MYO1E: variants seen among roughly 807,000 people sequenced by gnomAD.
MYO1E encodes myosin IE.
A neutral mutation model predicts 151.1 loss-of-function variants in MYO1E; 68 were observed. The ratio of observed to expected loss-of-function variants is 0.45; its 90% confidence interval spans 0.37 to 0.55. The LOEUF (loss-of-function observed/expected upper bound fraction) is 0.55, where lower values mean the gene tolerates loss of function less well. Among genes scored for constraint, MYO1E ranks in the 20% least tolerant of loss-of-function variants. The probability of loss-of-function intolerance (pLI) is 0.00; values close to 1 mark genes in which losing one functional copy is unlikely to be tolerated. For missense variants in MYO1E, 1,363 were observed against 1,389.3 expected (o/e 0.98, Z 0.30); for synonymous variants, 601 against 501.7 (o/e 1.20, Z -2.64).
At chr15:59,213,577 G>C (rs2079894725) in intron 12 of MYO1E, among the ~76,000 whole-genome samples, 1 of 152,108 alleles carries the variant, frequency 6.6e-6, no homozygotes, top group Non-Finnish European at 1.5e-5. Context: ...TTTCACCTCA[G>C]CCTCCAGAGT....
rs2079357718 is a variant in MYO1E at position 59,133,936 on chromosome 15, T to G, written c.*3444A>C. ...TTTAGATTATGTAAAAGCCATGCTC[T>G]ATGGAAGCCCATGGAGTTTGTAATT... On this transcript the variant is annotated 3_prime_UTR_variant, in exon 28 of 28. Transcript: ENST00000288235. 6.6e-6 allele frequency: 1 copy of G among 152,258 alleles called. No homozygotes were observed. Among genetic ancestry groups the G allele is most frequent in the Non-Finnish European group, 1.5e-5 (1 of 68,074 alleles). The allele number at this position is 152,258 out of a possible 1,614,324, so 9.4% of individuals were successfully genotyped here.
At chr15:59,326,098 T>C (rs1158376167) in intron 1 of MYO1E, among the ~76,000 whole-genome samples, 1 of 152,064 alleles carries the variant, frequency 6.6e-6, no homozygotes, top group Admixed American at 6.6e-5. Context: ...TCAGTTCCTC[T>C]TCCATTTGAG....
intron 27 of MYO1E, 113 bp from the exon 28 acceptor site, chr15:59,137,569 C>G (rs1264684058): frequency 1.1e-6 from 1 of 873,860 alleles, no homozygotes; most frequent in Non-Finnish European, 1.9e-6. Flanking sequence ...TGTTGTTTTC[C>G]CTTTGTTCTT....
chr15:59,228,954 A>C (rs1206822103), intron 6 of MYO1E, among the ~76,000 whole-genome samples: 1 of 152,194 alleles, frequency 6.6e-6, no homozygotes, highest in Non-Finnish European at 1.5e-5. Flanking sequence ...TCCTCCAGGC[A>C]AAAAACAAAA....
Position 59,276,388 on chromosome 15 carries a change from C to T in MYO1E, c.4-3939G>A, listed in dbSNP as rs111733115. 7.6e-3 allele frequency among the ~76,000 whole-genome samples: 1,158 copies of T among 152,290 alleles called. 17 individuals are homozygous for T. Among genetic ancestry groups the T allele is most frequent in the African/African-American group, 0.027 (1,128 of 41,544 alleles). ...AAGGTATTGCATTTTACAGCAGCTC[C>T]TGGTGAGCGCAGCACACTGTACAAA... On this transcript the variant is annotated intron_variant, in intron 1 of 27. Transcript: ENST00000288235.
intron 5 of MYO1E, among the ~76,000 whole-genome samples, chr15:59,234,249 CATGGATGGATG>C (rs2080047992): frequency 7.0e-6 from 1 of 142,078 alleles, no homozygotes; most frequent in African/African-American, 2.7e-5. Flanking sequence ...TGGATGGGTG[CATGGATGGATG>C]GGTGCATGGA....
At chr15:59,212,254 G>A (rs973244414) in intron 12 of MYO1E, among the ~76,000 whole-genome samples, 3 of 151,944 alleles carry the variant, frequency 2.0e-5, no homozygotes, top group Non-Finnish European at 4.4e-5. Context: ...TGGGCTAGAC[G>A]TGGTAGGGAC....
At chr15:59,207,710 G>C in intron 14 of MYO1E, 5 of 1,614,184 alleles carry the variant, frequency 3.1e-6, no homozygotes, top group Non-Finnish European at 3.4e-6. Context: ...AACATAGCTG[G>C]TGTCCCTTTG....
chr15:59,236,443 C>A, intron 5 of MYO1E, 142 bp downstream of exon 5: 1 of 589,258 alleles, frequency 1.7e-6, no homozygotes, highest in Non-Finnish European at 3.1e-6. Flanking sequence ...TATGCTATTC[C>A]TTTCCATTCC....
Position 59,173,837 on chromosome 15 carries a change from A to G in MYO1E, c.2243T>C (p.Met748Thr), listed in dbSNP as rs1210895792. The change falls in exon 21 of 28, where the codon ATG becomes ACG. Residue 748 changes from methionine to threonine, a missense_variant. By Grantham distance (81) the Met-to-Thr change is moderately conservative. Coordinates refer to ENST00000288235, the MANE Select transcript of MYO1E (RefSeq NM_004998.4). ...NRNFIGDYIG[M>T]EEHPELQQFV... ...CTGCTGGAGTTCTGGGTGCTCTTCC[A>G]TCCCAATATAATCCCCTATAAAGTT... 13 of 1,614,004 alleles carry G rather than the reference A, an allele frequency of 8.1e-6. No homozygotes were observed. In the East Asian group the frequency reaches 8.9e-5, roughly 11 times the overall value.
At chr15:59,222,941 A>C in intron 9 of MYO1E, 118 bp downstream of exon 9, 1 of 1,469,900 alleles carries the variant, frequency 6.8e-7, no homozygotes, top group Non-Finnish European at 9.4e-7. Flanking sequence ...GAGGACATGT[A>C]GATTTATCAC....
At chr15:59,372,394 TCC>T in intron 1 of MYO1E, 102 bp downstream of exon 1, 1 of 1,408,466 alleles carries the variant, frequency 7.1e-7, no homozygotes, top group Non-Finnish European at 9.7e-7. Flanking sequence ...GTCCACCTTC[TCC>T]ACCCCTGGCC....
At position 59,136,096 on chromosome 15, in the gene MYO1E, T is replaced by G. The variant is rs1566960945; in HGVS notation, c.*1284A>C. 6.6e-6 allele frequency: 1 copy of G among 152,554 alleles called. No homozygotes were observed. Among genetic ancestry groups the G allele is most frequent in the East Asian group, 1.9e-4 (1 of 5,206 alleles). 9.5% of individuals were successfully genotyped at this position (152,554 alleles called of 1,614,324 possible). The stretch of plus-strand genomic sequence containing the variant: ...GTTCCAGGCCTCTGTCCAGGGCTTG[T>G]GAATGGCTGTCTTCTCCCTGCCTTT... On this transcript the variant is annotated 3_prime_UTR_variant, in exon 28 of 28. Transcript: ENST00000288235.
rs1371193577 is a variant in MYO1E at position 59,210,803 on chromosome 15, A to C, written c.1276-203T>G. The stretch of plus-strand genomic sequence containing the variant: ...TTGGTGATTTTTATGTTTAGTTTGA[A>C]CCCTATGAAATTATTGCCACACAAC... On this transcript the variant is annotated intron_variant, in intron 12 of 27. Transcript: ENST00000288235. Among the ~76,000 whole-genome samples, 4 of 152,304 alleles carry C rather than the reference A, an allele frequency of 2.6e-5. No individual in the cohort carries two copies. The East Asian group carries it at 7.7e-4, about 29-fold the overall frequency.
At position 59,135,169 on chromosome 15, in the gene MYO1E, CGAT is replaced by C; in HGVS notation, c.*2208_*2210del. The C allele has an allele frequency of 6.6e-6, 1 of 152,176 alleles. No individual in the cohort carries two copies. 9.4% of individuals were successfully genotyped at this position (152,176 alleles called of 1,614,324 possible). On this transcript the variant is annotated 3_prime_UTR_variant, in exon 28 of 28. Transcript: ENST00000288235. Reference sequence around the variant, plus strand: ...TTGAGCCTGGCACTGGCTGGGCACACGATGCAGGTGCTAAGGGCTTGGTCTGTG... The same window carrying C: ...TTGAGCCTGGCACTGGCTGGGCACACGCAGGTGCTAAGGGCTTGGTCTGTG...
chr15:59,254,393 T>C (rs2080182468), intron 4 of MYO1E, among the ~76,000 whole-genome samples: 2 of 152,166 alleles, frequency 1.3e-5, no homozygotes, highest in Non-Finnish European at 2.9e-5. Context: ...TTTGCTATGT[T>C]GTCCGGGCTG....
rs2079709841 is a variant in MYO1E at position 59,188,101 on chromosome 15, A to G, written c.1904+17T>C. On this transcript the variant is annotated intron_variant, in intron 18 of 27. Coordinates refer to ENST00000288235, the MANE Select transcript of MYO1E (RefSeq NM_004998.4). ...ATAAACCTGTTTTAAAAAAGGCCAGAGTCACTAGTTCATTACCTCTGTAGG... is the reference window on the plus strand; with the variant it reads ...ATAAACCTGTTTTAAAAAAGGCCAGGGTCACTAGTTCATTACCTCTGTAGG... 3 of 1,577,110 alleles carry G rather than the reference A, an allele frequency of 1.9e-6. No individual in the cohort carries two copies. The highest frequency in any genetic ancestry group is 1.3e-5 in the African/African-American group (1 of 74,178).
At chr15:59,226,937 C>T (rs1307584892) in intron 7 of MYO1E, among the ~76,000 whole-genome samples, 1 of 152,236 alleles carries the variant, frequency 6.6e-6, no homozygotes, top group Non-Finnish European at 1.5e-5. Context: ...TAGGTGGCAA[C>T]TTTTCAATTT....
At chr15:59,206,882 C>T (rs2079838201) in intron 14 of MYO1E, 2 of 1,534,576 alleles carry the variant, frequency 1.3e-6, no homozygotes, top group Admixed American at 3.9e-5. Context: ...CTTGGCGTCT[C>T]AACGTTCGGA....
Sources: allele counts gnomAD v4.1 joint callset (sites outside exome capture counted in the v4.1 genomes callset), GRCh38; gene constraint gnomAD v4.1.1; transcripts MANE v1.5; gene names NCBI Gene and HGNC (gene_info 2026-07-23, HGNC 2026-07-21).